DACH2: variants seen among roughly 807,000 people sequenced by gnomAD.
DACH2 encodes dachshund family transcription factor 2, also known as dachshund homolog 2.
DACH2 carries 17 observed loss-of-function variants against 35.8 expected under a neutral mutation model. The observed-to-expected ratio is 0.48, with a 90% CI of 0.33 to 0.71. The LOEUF is 0.71. Among genes scored for constraint, DACH2 ranks in the 30% least tolerant of loss-of-function variants. DACH2 has a pLI of 0.02. For synonymous variants in DACH2, 195 were observed against 177.3 expected (o/e 1.10, Z -0.79); for missense variants, 469 against 472.7 (o/e 0.99, Z 0.07).
At chrX:86,423,491 C>T (rs1394579796) in intron 2 of DACH2, among the ~76,000 whole-genome samples, 1 of 107,749 alleles carries the variant, frequency 9.3e-6, no homozygotes, top group Non-Finnish European at 1.9e-5. Flanking sequence ...TCTTTTCGAA[C>T]CTTTGGCCCT....
intron 1 of DACH2, among the ~76,000 whole-genome samples, chrX:86,154,913 A>G (rs1208950666): frequency 1.8e-5 from 2 of 111,725 alleles, no homozygotes; most frequent in African/African-American, 6.5e-5. Flanking sequence ...GAATCAGAGA[A>G]AAATACCAAA....
At chrX:86,465,329 A>G (rs924810868) in intron 2 of DACH2, among the ~76,000 whole-genome samples, 1 of 112,036 alleles carries the variant, frequency 8.9e-6, no homozygotes, top group African/African-American at 3.2e-5. Flanking sequence ...CCAGCAGCTT[A>G]TCATTGAAAG....
intron 11 of DACH2, among the ~76,000 whole-genome samples, chrX:86,822,867 A>T (rs1178649023): frequency 8.9e-6 from 1 of 112,154 alleles, no homozygotes; most frequent in Non-Finnish European, 1.9e-5. Context: ...TAGTAACAGA[A>T]ATAAACTTTT....
chrX:86,297,763 T>C (rs2034496549), intron 1 of DACH2, among the ~76,000 whole-genome samples: 1 of 112,273 alleles, frequency 8.9e-6, no homozygotes, highest in African/African-American at 3.2e-5. Flanking sequence ...ATATTTCCTC[T>C]AGTAGATAAT....
At chrX:86,155,660 G>A (rs1342297670) in intron 1 of DACH2, among the ~76,000 whole-genome samples, 1 of 111,142 alleles carries the variant, frequency 9.0e-6, no homozygotes, top group Non-Finnish European at 1.9e-5. Flanking sequence ...ATTTGAAAAT[G>A]CAAATTTTAA....
chrX:86,736,247 G>A (rs986305660), intron 6 of DACH2, among the ~76,000 whole-genome samples: 7 of 111,155 alleles, frequency 6.3e-5, no homozygotes, highest in African/African-American at 2.0e-4. Context: ...TCTGACTTCT[G>A]TGCTGCCTTA....
At chrX:86,746,888 G>A (rs1461698017) in intron 7 of DACH2, among the ~76,000 whole-genome samples, 1 of 111,052 alleles carries the variant, frequency 9.0e-6, no homozygotes, top group Admixed American at 9.7e-5. Context: ...TGTTGTGTTA[G>A]ATAGGGGACC....
At chrX:86,343,748 A>C (rs60128103) in intron 1 of DACH2, among the ~76,000 whole-genome samples, 2,704 of 111,648 alleles carry the variant, frequency 0.024, 78 homozygotes, top group African/African-American at 0.081. Flanking sequence ...AATGTATATA[A>C]AATTATTTGT....
chrX:86,621,040 C>A, intron 3 of DACH2, among the ~76,000 whole-genome samples: 1 of 111,326 alleles, frequency 9.0e-6, no homozygotes, highest in Admixed American at 9.6e-5. Context: ...TTAATAATTC[C>A]TTTGGGCTTT....
At chrX:86,728,112 T>A (rs2041491677) in intron 6 of DACH2, among the ~76,000 whole-genome samples, 1 of 112,049 alleles carries the variant, frequency 8.9e-6, no homozygotes, top group Non-Finnish European at 1.9e-5. Context: ...GCTGCTGAGA[T>A]CTCAGATAGC....
intron 3 of DACH2, among the ~76,000 whole-genome samples, chrX:86,582,349 A>G (rs1446092752): frequency 9.0e-6 from 1 of 111,253 alleles, no homozygotes; most frequent in Non-Finnish European, 1.9e-5. Context: ...ACAGGAAATA[A>G]CCAAAATCAG....
intron 1 of DACH2, among the ~76,000 whole-genome samples, chrX:86,182,839 C>T (rs992269113): frequency 9.0e-6 from 1 of 111,424 alleles, no homozygotes; most frequent in Non-Finnish European, 1.9e-5. Flanking sequence ...TTTGTGTCCT[C>T]TTTTATTTCA....
intron 1 of DACH2, among the ~76,000 whole-genome samples, chrX:86,230,040 C>T (rs747464018): frequency 1.4e-4 from 15 of 110,667 alleles, no homozygotes; most frequent in African/African-American, 4.9e-4. Context: ...GTCATGTTCC[C>T]GTTCTCAGGG....
intron 5 of DACH2, among the ~76,000 whole-genome samples, chrX:86,697,175 A>T (rs760417165): frequency 4.5e-5 from 5 of 111,682 alleles, no homozygotes; most frequent in Non-Finnish European, 9.4e-5. Context: ...TAATCATAAG[A>T]TTATAGAATG....
chrX:86,441,007 T>C (rs1233501323), intron 2 of DACH2, among the ~76,000 whole-genome samples: 1 of 110,909 alleles, frequency 9.0e-6, no homozygotes, highest in Non-Finnish European at 1.9e-5. Context: ...ATTTCCTAGA[T>C]GATGGAAACC....
rs748609328 is a variant in DACH2 at position 86,211,681 on chromosome X, G to A, written c.488+62573G>A. Among the ~76,000 whole-genome samples the A allele has an allele frequency of 6.3e-5, 7 of 111,758 alleles. No homozygotes were observed. In the South Asian group the frequency reaches 2.6e-3, roughly 41 times the overall value. On this transcript the variant is annotated intron_variant, in intron 1 of 11. Coordinates refer to ENST00000373125, the MANE Select transcript of DACH2 (RefSeq NM_053281.3). ...ATGACATATTTTGGATATTTGTAGT[G>A]CTATTTGTACACCCTTTACCTTGGC...
At chrX:86,597,717 A>G (rs1419888125) in intron 3 of DACH2, among the ~76,000 whole-genome samples, 1 of 110,700 alleles carries the variant, frequency 9.0e-6, no homozygotes, top group Non-Finnish European at 1.9e-5. Context: ...TTCCTTAGTG[A>G]TATTTTGTCT....
intron 7 of DACH2, among the ~76,000 whole-genome samples, chrX:86,779,181 A>G (rs1484773284): frequency 8.9e-6 from 1 of 111,983 alleles, no homozygotes; most frequent in Non-Finnish European, 1.9e-5. Context: ...AGACCAGAAA[A>G]GAGGGATGGT....
intron 6 of DACH2, among the ~76,000 whole-genome samples, chrX:86,717,684 G>T (rs1238605464): frequency 4.7e-5 from 5 of 105,697 alleles, no homozygotes; most frequent in Non-Finnish European, 9.7e-5. Flanking sequence ...ACAAACAAAT[G>T]ATGAAATTAT....
Sources: gnomAD v4.1 joint callset for allele counts (sites outside exome capture counted in the v4.1 genomes callset) on GRCh38, gnomAD v4.1.1 for gene constraint, MANE v1.5 for transcripts, NCBI Gene and HGNC (gene_info 2026-07-23, HGNC 2026-07-21) for gene names.